The following HS3ST4 variants were observed in gnomAD, a reference collection of about 807,000 sequenced individuals.
HS3ST4 encodes heparan sulfate glucosamine 3-O-sulfotransferase 4.
In HS3ST4, 17 loss-of-function variants were observed where a neutral mutation model predicts 29.2. The ratio of observed to expected loss-of-function variants is 0.58; its 90% CI spans 0.40 to 0.87. The LOEUF is 0.87. Ranked by LOEUF, HS3ST4 falls within the 40% of genes least tolerant of loss-of-function variation. HS3ST4 has a pLI of 0.00. For missense variants in HS3ST4, 627 were observed against 634.5 expected, an observed-to-expected ratio of 0.99 and a Z score of 0.13; for synonymous variants, 314 against 285.7, an observed-to-expected ratio of 1.10 and a Z score of -1.00.
chr16:25,819,351 A>G (rs1312129422), intron 1 of HS3ST4, among the ~76,000 whole-genome samples: 1 of 152,180 alleles, frequency 6.6e-6, no homozygotes, highest in East Asian at 1.9e-4. Context: ...TCAAAGGGTC[A>G]TGATCCCACC....
rs138197716 is a variant in HS3ST4, at chr16:26,050,825, T to G, written c.735-84787T>G. Among the ~76,000 whole-genome samples, 23 of 152,344 alleles carry G rather than the reference T, an allele frequency of 1.5e-4. No homozygotes were observed. The East Asian group carries it at 4.4e-3, about 29-fold the overall frequency. On this transcript the variant is annotated intron_variant, in intron 1 of 1. Transcript: ENST00000331351. ...TGTTATTACCGTGAGCCTTACATTCTGAGTTTCAAAAGTGCCATTCAGAGA... is the reference window on the plus strand; with the variant it reads ...TGTTATTACCGTGAGCCTTACATTCGGAGTTTCAAAAGTGCCATTCAGAGA...
At chr16:25,733,198 T>C (rs1966583536) in intron 1 of HS3ST4, among the ~76,000 whole-genome samples, 1 of 152,234 alleles carries the variant, frequency 6.6e-6, no homozygotes, top group South Asian at 2.1e-4. Context: ...TTGTTTTATG[T>C]GCCAAGAAAT....
At chr16:26,133,318 G>C (rs1425755186) in intron 1 of HS3ST4, among the ~76,000 whole-genome samples, 1 of 152,020 alleles carries the variant, frequency 6.6e-6, no homozygotes, top group Non-Finnish European at 1.5e-5. Context: ...TATTTTCTTT[G>C]ATGAAACATT....
intron 1 of HS3ST4, among the ~76,000 whole-genome samples, chr16:25,736,976 G>A (rs1966614070): frequency 6.6e-6 from 1 of 152,036 alleles, no homozygotes; most frequent in African/African-American, 2.4e-5. Flanking sequence ...AGCCTCCCGA[G>A]TAGCTGGGAG....
chr16:25,848,462 T>TG (rs530499540), intron 1 of HS3ST4, among the ~76,000 whole-genome samples: 132 of 150,816 alleles, frequency 8.8e-4, no homozygotes, highest in African/African-American at 3.0e-3. Context: ...AAAAAATAAT[T>TG]TTTTTTTTTT....
chr16:25,725,468 G>T (rs1270063686), intron 1 of HS3ST4, among the ~76,000 whole-genome samples: 1 of 152,048 alleles, frequency 6.6e-6, no homozygotes, highest in Non-Finnish European at 1.5e-5. Context: ...TCTTTTCTGT[G>T]CCAAAAGCCT....
intron 1 of HS3ST4, among the ~76,000 whole-genome samples, chr16:25,864,391 GT>G (rs1223015174): frequency 7.1e-6 from 1 of 141,198 alleles, no homozygotes; most frequent in Non-Finnish European, 1.5e-5. Context: ...AAAAGTAATT[GT>G]GTTTTTTTTT....
chr16:26,054,269 G>GGAGAAAGAGAGAGAGAGAGAGA lies in HS3ST4; in HGVS notation c.735-81339_735-81338insAAGAGAGAGAGAGAGAGAGAGA, dbSNP rs1555481159. On this transcript the variant is annotated intron_variant, in intron 1 of 1. Transcript: ENST00000331351. ...GAAGGAGAGAGAGAGACAGAGAGAGGGAGAGAGAGAGAGAGAGAGAGAGAG... is the reference window on the plus strand; with the variant it reads ...GAAGGAGAGAGAGAGACAGAGAGAGGGAGAAAGAGAGAGAGAGAGAGAGAGAGAGAGAGAGAGAGAGAGAGAG... Among the ~76,000 whole-genome samples the GGAGAAAGAGAGAGAGAGAGAGA allele has an allele frequency of 3.7e-5, 5 of 133,734 alleles. No homozygotes were observed. In the Middle Eastern group the frequency reaches 0.012, roughly 313 times the overall value. 87.7% of individuals were successfully genotyped at this position (133,734 alleles called of 152,430 possible). A position where few individuals can be genotyped will look rare whatever the true frequency, so the allele number is the denominator to read the frequency against.
chr16:25,896,034 A>G (rs1181432605), intron 1 of HS3ST4, among the ~76,000 whole-genome samples: 2 of 152,150 alleles, frequency 1.3e-5, no homozygotes, highest in African/African-American at 2.4e-5. Flanking sequence ...GTGCTGGGCT[A>G]GGCTCCACAT....
chr16:26,017,888 G>A (rs888953687), intron 1 of HS3ST4, among the ~76,000 whole-genome samples: 39 of 152,172 alleles, frequency 2.6e-4, no homozygotes, highest in African/African-American at 3.6e-4. Flanking sequence ...GACAGCCAGC[G>A]TTATGACAAG....
intron 1 of HS3ST4, chr16:26,032,796 C>G: frequency 6.7e-7 from 1 of 1,482,460 alleles, no homozygotes; most frequent in Non-Finnish European, 9.3e-7. Flanking sequence ...TCCCCTTCAG[C>G]CTTTCTCTTG....
At chr16:25,918,167 CT>C (rs1026149003) in intron 1 of HS3ST4, among the ~76,000 whole-genome samples, 1 of 152,144 alleles carries the variant, frequency 6.6e-6, no homozygotes. Flanking sequence ...GTAGAATAAT[CT>C]TTTTTTACTG....
Position 25,733,690 on chromosome 16 carries a change from C to T in HS3ST4, c.734+40539C>T, listed in dbSNP as rs567368427. On this transcript the variant is annotated intron_variant, in intron 1 of 1. Coordinates refer to ENST00000331351, the MANE Select transcript of HS3ST4 (RefSeq NM_006040.3). ...AAATTTGCTGTATGAATCTGGGGGG[C>T]GGGGGGAAACGCATCACTTGCTATC... Among the ~76,000 whole-genome samples the T allele has an allele frequency of 1.6e-4, 25 of 152,032 alleles. No homozygotes were observed. In the East Asian group the frequency reaches 3.3e-3, roughly 20 times the overall value.
At chr16:26,028,183 G>A (rs1266860821) in intron 1 of HS3ST4, among the ~76,000 whole-genome samples, 4 of 145,084 alleles carry the variant, frequency 2.8e-5, no homozygotes. Flanking sequence ...TGAGGCAAGA[G>A]AATTGCTTGA....
rs144609224 is a variant in HS3ST4 at position 26,107,351 on chromosome 16, A to AACACAC, written c.735-28247_735-28242dup. 6.7e-3 allele frequency among the ~76,000 whole-genome samples: 998 copies of AACACAC among 149,504 alleles called. 8 individuals carry two copies. Among genetic ancestry groups the AACACAC allele is most frequent in the African/African-American group, 0.022 (892 of 40,912 alleles). On this transcript the variant is annotated intron_variant, in intron 1 of 1. Coordinates refer to ENST00000331351, the MANE Select transcript of HS3ST4 (RefSeq NM_006040.3). ...GCCATTAGGCTGAGATTGGCATACA[A>AACACAC]ACACACACACACACACACATATGCA...
intron 1 of HS3ST4, among the ~76,000 whole-genome samples, chr16:25,735,247 A>G (rs1382048990): frequency 1.3e-5 from 2 of 152,136 alleles, no homozygotes; most frequent in Non-Finnish European, 2.9e-5. Context: ...GCAATAATTT[A>G]TATGTTCAGC....
intron 1 of HS3ST4, among the ~76,000 whole-genome samples, chr16:25,722,001 T>C (rs1966500059): frequency 6.6e-6 from 1 of 152,160 alleles, no homozygotes; most frequent in Admixed American, 6.5e-5. Flanking sequence ...TGGATTTCTC[T>C]AGTGCACCCT....
intron 1 of HS3ST4, among the ~76,000 whole-genome samples, chr16:25,953,652 G>A (rs1478275487): frequency 6.6e-6 from 1 of 152,154 alleles, no homozygotes; most frequent in Non-Finnish European, 1.5e-5. Context: ...TCATAAATTG[G>A]ATTCCCTCTG....
intron 1 of HS3ST4, among the ~76,000 whole-genome samples, chr16:25,936,498 A>G (rs1376851886): frequency 2.0e-5 from 3 of 152,262 alleles, no homozygotes; most frequent in African/African-American, 7.2e-5. Context: ...AGAAAAGCCA[A>G]CTTGGAATGT....
Sources: gnomAD v4.1 joint callset for allele counts (sites outside exome capture counted in the v4.1 genomes callset) on GRCh38, gnomAD v4.1.1 for gene constraint, MANE v1.5 for transcripts, NCBI Gene and HGNC (gene_info 2026-07-23, HGNC 2026-07-21) for gene names.